The following EYS variants were observed in gnomAD, a reference collection of about 807,000 sequenced individuals.
The protein encoded by EYS is EGF-like photoreceptor maintenance factor.
Under a neutral mutation model 282.1 loss-of-function variants are expected in EYS, and 250 were observed. The ratio of observed to expected loss-of-function variants is 0.89; its 90% CI spans 0.80 to 0.98. The LOEUF (loss-of-function observed/expected upper bound fraction) is 0.98, where lower values mean the gene tolerates loss of function less well. EYS is among the 50% of genes least tolerant of loss of function. The pLI, the probability that EYS is intolerant of heterozygous loss-of-function variation, is 0.00. For missense variants in EYS, 4,016 were observed against 3,709.0 expected (o/e 1.08, Z -2.15); for synonymous variants, 1,355 against 1,282.9 (o/e 1.06, Z -1.20).
At chr6:64,303,795 C>T (rs9451281) in intron 30 of EYS, among the ~76,000 whole-genome samples, 1 of 142,672 alleles carries the variant, frequency 7.0e-6, no homozygotes, top group Non-Finnish European at 1.5e-5. Flanking sequence ...GAGTCGAGAT[C>T]GCGCCACTGC....
intron 31 of EYS, among the ~76,000 whole-genome samples, chr6:64,162,578 C>A (rs116499259): frequency 6.6e-6 from 1 of 152,010 alleles, no homozygotes; most frequent in Non-Finnish European, 1.5e-5. Flanking sequence ...TTGGTGAAAG[C>A]GCAATGGTTT....
chr6:64,190,225 C>T (rs961777471), intron 31 of EYS, among the ~76,000 whole-genome samples: 7 of 152,120 alleles, frequency 4.6e-5, no homozygotes, highest in African/African-American at 1.7e-4. Context: ...TGAAACTGTA[C>T]CCTCAGGGTG....
chr6:64,518,485 C>T (rs1296807586), intron 26 of EYS, among the ~76,000 whole-genome samples: 1 of 151,784 alleles, frequency 6.6e-6, no homozygotes, highest in Non-Finnish European at 1.5e-5. Context: ...GAAGAACTCT[C>T]TTGTAAGCTA....
At chr6:64,211,015 A>G (rs1765750772) in intron 31 of EYS, among the ~76,000 whole-genome samples, 1 of 152,144 alleles carries the variant, frequency 6.6e-6, no homozygotes, top group African/African-American at 2.4e-5. Context: ...CCTTCAACCA[A>G]TGACTGAGAG....
intron 19 of EYS, among the ~76,000 whole-genome samples, chr6:64,876,323 G>GT (rs148004780): frequency 6.6e-5 from 10 of 151,982 alleles, no homozygotes; most frequent in Admixed American, 6.6e-4. Flanking sequence ...TTTTTTAAAT[G>GT]TTTTTTATTG....
intron 28 of EYS, among the ~76,000 whole-genome samples, chr6:64,391,293 C>A (rs1252753223): frequency 1.4e-5 from 2 of 147,102 alleles, no homozygotes; most frequent in Admixed American, 6.7e-5. Context: ...AGATACTCCT[C>A]GAGAAGAGCA....
At chr6:64,907,029 A>G (rs1465617000) in intron 16 of EYS, among the ~76,000 whole-genome samples, 2 of 152,108 alleles carry the variant, frequency 1.3e-5, no homozygotes, top group Non-Finnish European at 2.9e-5. Flanking sequence ...CTTAATCTTC[A>G]TGTGGTTTTG....
intron 35 of EYS, among the ~76,000 whole-genome samples, chr6:63,912,276 G>T (rs539623870): frequency 6.6e-6 from 1 of 152,162 alleles, no homozygotes; most frequent in Middle Eastern, 3.4e-3. Context: ...TGATGGCTTT[G>T]TTTAGTACTC....
chr6:64,730,041 C>A (rs1289111730), intron 22 of EYS, among the ~76,000 whole-genome samples: 1 of 152,086 alleles, frequency 6.6e-6, no homozygotes, highest in Non-Finnish European at 1.5e-5. Context: ...GAAGGAAAAA[C>A]TAAGAGTGAA....
intron 12 of EYS, among the ~76,000 whole-genome samples, chr6:65,292,296 C>T (rs1199640518): frequency 6.6e-6 from 1 of 151,646 alleles, no homozygotes; most frequent in Non-Finnish European, 1.5e-5. Context: ...ATAGGCTACA[C>T]TATAAATTTG....
At chr6:63,766,455 A>C (rs1769791138) in intron 40 of EYS, among the ~76,000 whole-genome samples, 1 of 152,086 alleles carries the variant, frequency 6.6e-6, no homozygotes, top group African/African-American at 2.4e-5. Flanking sequence ...TAAATATAAT[A>C]GGTCATGGCT....
chr6:65,628,074 G>C (rs9453351), intron 2 of EYS, among the ~76,000 whole-genome samples: 85,882 of 151,998 alleles, frequency 0.57, 26,636 homozygotes, highest in Non-Finnish European at 0.7. Context: ...AATCAGCACC[G>C]TGTGTCTAGC....
In EYS at chr6:64,992,631, C is replaced by T. The variant is rs960567088; in HGVS notation, c.2259+4951G>A. On this transcript the variant is annotated intron_variant, in intron 14 of 42. Coordinates refer to ENST00000503581, the MANE Select transcript of EYS (RefSeq NM_001142800.2). Reference sequence around the variant, plus strand: ...AAATGTGCTTTTGTCTCTCTTTTTGCTACAAAAATTGAATTTTTCCTTTCT... The same window carrying T: ...AAATGTGCTTTTGTCTCTCTTTTTGTTACAAAAATTGAATTTTTCCTTTCT... 3.3e-5 allele frequency among the ~76,000 whole-genome samples: 5 copies of T among 151,882 alleles called. No individual in the cohort carries two copies. In the South Asian group the frequency reaches 6.2e-4, roughly 19 times the overall value.
intron 4 of EYS, among the ~76,000 whole-genome samples, chr6:65,493,129 G>C (rs1040272696): frequency 6.6e-6 from 1 of 152,092 alleles, no homozygotes; most frequent in Non-Finnish European, 1.5e-5. Context: ...TGGCCAGGCT[G>C]GTCTTGAACT....
At chr6:65,273,534 G>T (rs567139155) in intron 12 of EYS, among the ~76,000 whole-genome samples, 1 of 152,296 alleles carries the variant, frequency 6.6e-6, no homozygotes, top group East Asian at 1.9e-4. Flanking sequence ...CAAGGCCAAA[G>T]AAATGGGCTC....
intron 22 of EYS, among the ~76,000 whole-genome samples, chr6:64,771,498 T>C (rs1221119232): frequency 6.6e-6 from 1 of 151,808 alleles, no homozygotes; most frequent in Non-Finnish European, 1.5e-5. Flanking sequence ...ATTTATCCAT[T>C]ATAAATTGCT....
At chr6:64,528,845 G>T (rs1038372523) in intron 26 of EYS, among the ~76,000 whole-genome samples, 3 of 151,956 alleles carry the variant, frequency 2.0e-5, no homozygotes, top group Non-Finnish European at 2.9e-5. Flanking sequence ...CAGATTTGGT[G>T]AAAATCTTAC....
intron 32 of EYS, among the ~76,000 whole-genome samples, chr6:64,075,658 A>G (rs893369610): frequency 5.9e-5 from 9 of 151,902 alleles, no homozygotes; most frequent in African/African-American, 2.2e-4. Context: ...CATTCGTAAC[A>G]CCTCTCAGAC....
intron 31 of EYS, among the ~76,000 whole-genome samples, chr6:64,101,383 C>T (rs779442798): frequency 4.7e-4 from 72 of 152,056 alleles, no homozygotes; most frequent in South Asian, 6.2e-4. Flanking sequence ...AAAGCACAGA[C>T]GAATCAAAAA....
Sources: gnomAD v4.1 joint callset for allele counts (sites outside exome capture counted in the v4.1 genomes callset) on GRCh38, gnomAD v4.1.1 for gene constraint, MANE v1.5 for transcripts, NCBI Gene and HGNC (gene_info 2026-07-23, HGNC 2026-07-21) for gene names.